The following PHF20 variants were observed in gnomAD, a reference collection of about 807,000 sequenced individuals.
The protein encoded by PHF20 is PHD finger protein 20, also known as glioma-expressed antigen 2.
In PHF20, 23 loss-of-function variants were observed where a neutral mutation model predicts 113.5. That is an observed-to-expected ratio of 0.20 (90% CI 0.15 to 0.29). The LOEUF is 0.29. PHF20 is among the 10% of genes least tolerant of loss of function. The probability of loss-of-function intolerance (pLI) is 1.00; values close to 1 mark genes in which losing one functional copy is unlikely to be tolerated. For synonymous variants in PHF20, 434 were observed against 457.3 expected (o/e 0.95, Z 0.65); for missense variants, 943 against 1,219.6 (o/e 0.77, Z 3.38).
At chr20:35,837,409 C>A (rs1213064091) in intron 2 of PHF20, among the ~76,000 whole-genome samples, 1 of 152,136 alleles carries the variant, frequency 6.6e-6, no homozygotes, top group Non-Finnish European at 1.5e-5. Context: ...TAACTCCCAG[C>A]TGCAATGTTA....
rs61622083 is a variant in PHF20, at chr20:35,844,543, CCACACACACACACACACACACA to C, written c.255+1826_255+1847del. On this transcript the variant is annotated intron_variant, in intron 3 of 17. Coordinates refer to ENST00000374012, the MANE Select transcript of PHF20 (RefSeq NM_016436.5). ...AATCTCCCATTTTTCTTCACCATCACCACACACACACACACACACACACACACACACACACACACACACACAC... is the reference window on the plus strand; with the variant it reads ...AATCTCCCATTTTTCTTCACCATCACCACACACACACACACACACACACAC... Among the ~76,000 whole-genome samples, 824 of 117,724 alleles carry C rather than the reference CCACACACACACACACACACACA, an allele frequency of 7.0e-3. 9 individuals are homozygous for C. The highest frequency in any genetic ancestry group is 0.025 in the African/African-American group (771 of 30,950). 77.2% of individuals were successfully genotyped at this position (117,724 alleles called of 152,430 possible).
chr20:35,856,705 C>T (rs151327748), intron 4 of PHF20, among the ~76,000 whole-genome samples: 86 of 152,226 alleles, frequency 5.6e-4, no homozygotes, highest in Middle Eastern at 3.4e-3. Context: ...CTGAAAAGCC[C>T]GGAAGCTTTT....
At chr20:35,788,957 T>A (rs539646682) in intron 1 of PHF20, among the ~76,000 whole-genome samples, 8 of 152,278 alleles carry the variant, frequency 5.3e-5, no homozygotes, top group African/African-American at 1.9e-4. Context: ...GAGGAGTTAA[T>A]TGCCTCTTGG....
At chr20:35,936,968 G>A (rs2055876706) in intron 15 of PHF20, among the ~76,000 whole-genome samples, 1 of 152,128 alleles carries the variant, frequency 6.6e-6, no homozygotes, top group African/African-American at 2.4e-5. Flanking sequence ...TGAGCCCAAG[G>A]TGGTCAGGCT....
intron 2 of PHF20, among the ~76,000 whole-genome samples, chr20:35,836,084 C>G (rs1321451175): frequency 6.6e-6 from 1 of 152,302 alleles, no homozygotes; most frequent in South Asian, 2.1e-4. Flanking sequence ...TTATAGTTCA[C>G]TGCAGCTTTG....
chr20:35,798,230 A>G (rs1221062193), intron 1 of PHF20, among the ~76,000 whole-genome samples: 4 of 151,914 alleles, frequency 2.6e-5, no homozygotes, highest in Non-Finnish European at 5.9e-5. Flanking sequence ...CCAGACAAAC[A>G]CATAGCAAGA....
At position 35,882,635 on chromosome 20, in the gene PHF20, C is replaced by G. The variant is rs191195229; in HGVS notation, c.1282+10806C>G. On this transcript the variant is annotated intron_variant, in intron 9 of 17. Coordinates refer to ENST00000374012, the MANE Select transcript of PHF20 (RefSeq NM_016436.5). ...TGGAGACAGGGTCTAGATATATTGA[C>G]CATGCTAGTCTTGAACTCTGGGCCT... 9.9e-5 allele frequency among the ~76,000 whole-genome samples: 15 copies of G among 152,282 alleles called. No homozygotes were observed. In the East Asian group the frequency reaches 1.5e-3, roughly 16 times the overall value.
At chr20:35,815,701 G>A (rs994063199) in intron 2 of PHF20, among the ~76,000 whole-genome samples, 9 of 151,956 alleles carry the variant, frequency 5.9e-5, no homozygotes, top group African/African-American at 9.6e-5. Context: ...TCCTGACCTC[G>A]TGTTCCACCC....
chr20:35,878,968 A>T (rs2147007670), intron 9 of PHF20, among the ~76,000 whole-genome samples: 1 of 152,324 alleles, frequency 6.6e-6, no homozygotes, highest in South Asian at 2.1e-4. Context: ...TAAAAGAAAC[A>T]TGTCACCTAA....
At chr20:35,809,452 G>A (rs946101228) in intron 2 of PHF20, among the ~76,000 whole-genome samples, 14 of 151,680 alleles carry the variant, frequency 9.2e-5, no homozygotes, top group Non-Finnish European at 1.6e-4. Flanking sequence ...GGTGGTGTGC[G>A]CCTGTAGTCC....
chr20:35,842,540 A>G (rs371249763), intron 2 of PHF20, 33 bp from the exon 3 acceptor site: 101 of 1,591,538 alleles, frequency 6.3e-5, no homozygotes, highest in Middle Eastern at 1.7e-4. Context: ...GGTGGGTATT[A>G]AAGGAATGCC....
At chr20:35,827,413 A>G (rs1471361110) in intron 2 of PHF20, among the ~76,000 whole-genome samples, 2 of 152,258 alleles carry the variant, frequency 1.3e-5, no homozygotes, top group South Asian at 2.1e-4. Context: ...TAAGTAGACT[A>G]TTACATGGCT....
rs531385486 is a variant in PHF20 at position 35,929,624 on chromosome 20, T to G, written c.2105-1625T>G. Among the ~76,000 whole-genome samples, 10 of 152,408 alleles carry G rather than the reference T, an allele frequency of 6.6e-5. No individual in the cohort carries two copies. The East Asian group carries it at 1.9e-3, about 29-fold the overall frequency. On this transcript the variant is annotated intron_variant, in intron 14 of 17. Coordinates refer to ENST00000374012, the MANE Select transcript of PHF20 (RefSeq NM_016436.5). Reference sequence around the variant, plus strand: ...CCTGAAGGCTCCTTAGCATACCTTTTAAAAATCTTTTTTTCCCTACTGTGT... The same window carrying G: ...CCTGAAGGCTCCTTAGCATACCTTTGAAAAATCTTTTTTTCCCTACTGTGT...
chr20:35,877,612 CTT>C (rs1415609172), intron 9 of PHF20, among the ~76,000 whole-genome samples: 1 of 149,158 alleles, frequency 6.7e-6, no homozygotes. Context: ...GAGTCTCACT[CTT>C]TTGCCCACGC....
intron 2 of PHF20, among the ~76,000 whole-genome samples, chr20:35,835,879 A>G (rs913185879): frequency 2.0e-5 from 3 of 152,088 alleles, no homozygotes; most frequent in Non-Finnish European, 4.4e-5. Flanking sequence ...GCAGTGAGCC[A>G]AGATCACACC....
intron 15 of PHF20, 197 bp from the exon 16 acceptor site, chr20:35,938,500 C>A: frequency 1.7e-6 from 1 of 592,402 alleles, no homozygotes; most frequent in African/African-American, 1.8e-5. Context: ...CTGTGTGTGA[C>A]CACAGTGGGA....
At position 35,927,888 on chromosome 20, in the gene PHF20, T is replaced by A; in HGVS notation, c.2104+9T>A. On this transcript the variant is annotated intron_variant, in intron 14 of 17. Coordinates refer to ENST00000374012, the MANE Select transcript of PHF20 (RefSeq NM_016436.5). ...TTGCCAAGACCCTCCAGGTAGAGAT[T>A]TCTGGAGTCAGGGATATAACAGTAT... 1 of 1,583,600 alleles carries A rather than the reference T, an allele frequency of 6.3e-7. No homozygotes were observed. The highest frequency in any genetic ancestry group is 8.7e-7 in the Non-Finnish European group (1 of 1,152,218).
At chr20:35,867,104 A>C (rs2054332848) in intron 6 of PHF20, among the ~76,000 whole-genome samples, 1 of 152,194 alleles carries the variant, frequency 6.6e-6, no homozygotes, top group African/African-American at 2.4e-5. Context: ...AAAGGGAAGA[A>C]GACTTGCCAA....
chr20:35,793,579 C>T (rs1180066571), intron 1 of PHF20, among the ~76,000 whole-genome samples: 4 of 151,130 alleles, frequency 2.6e-5, no homozygotes. Flanking sequence ...GGATTACAGG[C>T]GTGAGCCATT....
Sources: allele counts gnomAD v4.1 joint callset (sites outside exome capture counted in the v4.1 genomes callset), GRCh38; gene constraint gnomAD v4.1.1; transcripts MANE v1.5; gene names NCBI Gene and HGNC (gene_info 2026-07-23, HGNC 2026-07-21).